Variants in CADM2 observed in about 807,000 individuals in gnomAD.
The protein encoded by CADM2 is immunoglobulin superfamily member 4D.
A neutral mutation model predicts 49.8 loss-of-function variants in CADM2; 12 were observed. The ratio of observed to expected loss-of-function variants is 0.24; its 90% CI spans 0.15 to 0.39. The LOEUF (loss-of-function observed/expected upper bound fraction) is 0.39. Ranked by LOEUF, CADM2 falls within the 10% of genes least tolerant of loss-of-function variation. CADM2 has a pLI of 1.00. For synonymous variants in CADM2, 214 were observed against 175.4 expected (o/e 1.22, Z -1.74); for missense variants, 378 against 492.3 (o/e 0.77, Z 2.20).
chr3:85,130,256 A>C (rs528361741), intron 1 of CADM2, among the ~76,000 whole-genome samples: 1 of 152,328 alleles, frequency 6.6e-6, no homozygotes, highest in South Asian at 2.1e-4. Flanking sequence ...TTCTAGAAGA[A>C]AGTTTTGATG....
intron 1 of CADM2, among the ~76,000 whole-genome samples, chr3:85,235,015 A>G (rs2042379155): frequency 6.6e-6 from 1 of 150,646 alleles, no homozygotes; most frequent in South Asian, 2.1e-4. Context: ...TTGCATTATT[A>G]GTGACCTCTC....
chr3:85,372,423 G>A (rs79316262), intron 1 of CADM2, among the ~76,000 whole-genome samples: 2 of 25,642 alleles, frequency 7.8e-5, no homozygotes, highest in Admixed American at 5.2e-4. Context: ...ATGTATATAT[G>A]TGTGTATATA....
chr3:85,263,735 A>G (rs1403088282), intron 1 of CADM2, among the ~76,000 whole-genome samples: 8 of 152,124 alleles, frequency 5.3e-5, no homozygotes, highest in Admixed American at 2.0e-4. Flanking sequence ...ATTTGTAATT[A>G]TCACTGGTCT....
rs535692269 is a variant in CADM2 at position 85,420,161 on chromosome 3, G to A, written c.62-306361G>A. 2.0e-5 allele frequency among the ~76,000 whole-genome samples: 3 copies of A among 152,284 alleles called. No individual in the cohort carries two copies. The East Asian group carries it at 5.8e-4, about 29-fold the overall frequency. On this transcript the variant is annotated intron_variant, in intron 1 of 9. Coordinates refer to ENST00000383699, the MANE Select transcript of CADM2 (RefSeq NM_001167675.2). ...CCTGGAATCTTTTTAGAAGAAAGCA[G>A]TGAAGGGGAGAAAAACTGCTTGCCA...
intron 1 of CADM2, among the ~76,000 whole-genome samples, chr3:85,015,924 G>A (rs2034231774): frequency 6.6e-6 from 1 of 152,278 alleles, no homozygotes; most frequent in South Asian, 2.1e-4. Flanking sequence ...AACTTAATGA[G>A]TAGGTGTGAT....
chr3:85,594,574 C>T (rs1354386774), intron 1 of CADM2, among the ~76,000 whole-genome samples: 2 of 151,522 alleles, frequency 1.3e-5, no homozygotes, highest in Non-Finnish European at 2.9e-5. Context: ...AGTGTGTTAT[C>T]CAAGTAAAAA....
chr3:85,657,854 G>A (rs925759021), intron 1 of CADM2, among the ~76,000 whole-genome samples: 1 of 151,076 alleles, frequency 6.6e-6, no homozygotes, highest in Non-Finnish European at 1.5e-5. Flanking sequence ...CTCAGAAAGT[G>A]GCTTTATTTA....
In CADM2 at chr3:85,862,569, G is replaced by T. The variant is rs370967862; in HGVS notation, c.239-20722G>T. Among the ~76,000 whole-genome samples the T allele has an allele frequency of 7.2e-5, 11 of 152,136 alleles. No individual in the cohort carries two copies. The East Asian group carries it at 1.2e-3, about 16-fold the overall frequency. On this transcript the variant is annotated intron_variant, in intron 3 of 9. Coordinates refer to ENST00000383699, the MANE Select transcript of CADM2 (RefSeq NM_001167675.2). ...TATATTAATGTTTATTTTATCCAGG[G>T]TAATCATAGTAACACATTTTTTGGC...
chr3:85,868,139 GAA>G (rs1342810202), intron 3 of CADM2, among the ~76,000 whole-genome samples: 7 of 151,702 alleles, frequency 4.6e-5, no homozygotes, highest in Non-Finnish European at 1.0e-4. Context: ...AAAGAAGCAA[GAA>G]AAGAGTCCCA....
chr3:85,032,921 T>A (rs1199110936), intron 1 of CADM2, among the ~76,000 whole-genome samples: 2 of 152,222 alleles, frequency 1.3e-5, no homozygotes, highest in African/African-American at 4.8e-5. Context: ...TTTCTTTTTC[T>A]TAATAAATCT....
chr3:85,395,171 A>G (rs1417033172), intron 1 of CADM2, among the ~76,000 whole-genome samples: 1 of 151,684 alleles, frequency 6.6e-6, no homozygotes, highest in Non-Finnish European at 1.5e-5. Context: ...ATTGGTGCAT[A>G]CCTGTGGGCC....
chr3:85,227,245 T>C (rs2042182744), intron 1 of CADM2, among the ~76,000 whole-genome samples: 2 of 152,108 alleles, frequency 1.3e-5, no homozygotes, highest in African/African-American at 4.8e-5. Context: ...CCCACTATTA[T>C]TGTGTGGGAG....
intron 3 of CADM2, among the ~76,000 whole-genome samples, chr3:85,824,211 T>C (rs1041681297): frequency 2.0e-5 from 3 of 152,142 alleles, no homozygotes; most frequent in Non-Finnish European, 2.9e-5. Context: ...TACAAGAATA[T>C]TGAAGCAGAG....
rs562106146 is a variant in CADM2 at position 85,209,360 on chromosome 3, A to AT, written c.61+249698dup. ...CCAGTAAAAGTCTTCTGAGGAGAGT[A>AT]TTTTTTCTTTTTTACAGATAAAGTA... On this transcript the variant is annotated intron_variant, in intron 1 of 9. Transcript: ENST00000383699. 9.1e-4 allele frequency among the ~76,000 whole-genome samples: 139 copies of AT among 152,086 alleles called. 1 individual carries two copies. The highest frequency in any genetic ancestry group is 3.0e-3 in the African/African-American group (123 of 41,502).
chr3:85,540,920 C>T (rs1265365537), intron 1 of CADM2, among the ~76,000 whole-genome samples: 1 of 152,048 alleles, frequency 6.6e-6, no homozygotes, highest in Non-Finnish European at 1.5e-5. Context: ...TTCTGTGTCT[C>T]TTTCTTTTCT....
chr3:85,335,050 A>G lies in CADM2; in HGVS notation c.61+375382A>G, dbSNP rs1233584730. On this transcript the variant is annotated intron_variant, in intron 1 of 9. Transcript: ENST00000383699. The stretch of plus-strand genomic sequence containing the variant: ...AAATATTTCTAGGTTGTGAAGATAT[A>G]CTAAAAAAAAAGATACTAAGTAAAT... Among the ~76,000 whole-genome samples the G allele has an allele frequency of 2.0e-5, 3 of 151,478 alleles. No homozygotes were observed. The East Asian group carries it at 5.8e-4, about 29-fold the overall frequency.
intron 8 of CADM2, chr3:86,013,542 C>A: frequency 1.2e-6 from 2 of 1,605,128 alleles, no homozygotes; most frequent in Non-Finnish European, 1.7e-6. Flanking sequence ...AAAAACACAG[C>A]AGAGGCAGAT....
At chr3:85,687,334 T>C (rs2066247868) in intron 1 of CADM2, among the ~76,000 whole-genome samples, 1 of 152,156 alleles carries the variant, frequency 6.6e-6, no homozygotes, top group Non-Finnish European at 1.5e-5. Context: ...TTAGCCATAG[T>C]TGCTTTTGTT....
rs1404175570 is a variant in CADM2 at position 85,693,250 on chromosome 3, G to A, written c.62-33272G>A. ...GCAACAGAGCCAGACTCAAAAACAA[G>A]AAACAAAAAACAAGGAAGGAAGGAA... is the stretch of plus-strand genomic sequence containing the variant. On this transcript the variant is annotated intron_variant, in intron 1 of 9. Transcript: ENST00000383699. Among the ~76,000 whole-genome samples the A allele has an allele frequency of 2.7e-5, 4 of 150,412 alleles. No individual in the cohort carries two copies. The South Asian group carries it at 8.4e-4, about 32-fold the overall frequency.
Sources: allele counts gnomAD v4.1 joint callset (sites outside exome capture counted in the v4.1 genomes callset), GRCh38; gene constraint gnomAD v4.1.1; transcripts MANE v1.5; gene names NCBI Gene and HGNC (gene_info 2026-07-23, HGNC 2026-07-21).